ESAM: variants seen among roughly 807,000 people sequenced by gnomAD.
ESAM encodes the protein endothelial cell adhesion molecule, also known as endothelial cell-selective adhesion molecule.
In ESAM, 23 loss-of-function variants were observed where a neutral mutation model predicts 31.8. That is an observed-to-expected ratio of 0.72 (90% confidence interval 0.52 to 1.03). ESAM has a LOEUF of 1.03. Ranked by LOEUF, ESAM falls within the 50% of genes least tolerant of loss-of-function variation. The probability of loss-of-function intolerance (pLI) is 0.00; values close to 1 mark genes in which losing one functional copy is unlikely to be tolerated. For synonymous variants in ESAM, 216 were observed against 207.2 expected, an observed-to-expected ratio of 1.04 and a Z score of -0.37; for missense variants, 478 against 488.9, an observed-to-expected ratio of 0.98 and a Z score of 0.21.
At chr11:124,755,928 G>A (rs1000783278) in intron 4 of ESAM, among the ~76,000 whole-genome samples, 5 of 152,224 alleles carry the variant, frequency 3.3e-5, no homozygotes, top group South Asian at 2.1e-4. Context: ...AGGAAAGAAG[G>A]CACCGAGTCA....
In ESAM at chr11:124,754,258, G is replaced by C; in HGVS notation, c.813C>G (p.Tyr271Ter). The stretch of plus-strand genomic sequence containing the variant: ...CCTCCAGGGCCTTGCCCCGGCGGTG[G>C]TACAAGAGGACCAGCCCAGCCAGCA... ...LGLLAGLVLLYHRRGKALEEP... is the reference protein window; with the variant it reads ...LGLLAGLVLL The change falls in exon 6 of 7, where the codon TAC becomes TAG. Residue 271 changes from tyrosine (Y) to a stop codon, truncating the protein, a stop_gained. Coordinates refer to ENST00000278927, the MANE Select transcript of ESAM (RefSeq NM_138961.3). LOFTEE classifies it high-confidence loss of function. The surrounding 1 kb of genome is among the most constrained non-coding windows in gnomAD (Gnocchi z 4.5). 1.2e-6 allele frequency: 2 copies of C among 1,613,980 alleles called. No homozygotes were observed. Among genetic ancestry groups the C allele is most frequent in the Non-Finnish European group, 1.7e-6 (2 of 1,179,986 alleles).
chr11:124,760,875 A>G (rs1393599781), intron 1 of ESAM, among the ~76,000 whole-genome samples: 1 of 152,208 alleles, frequency 6.6e-6, no homozygotes, highest in Non-Finnish European at 1.5e-5. Context: ...CTGAAGTTGA[A>G]GTTGGGAAAG....
chr11:124,758,590 C>A lies in ESAM; in HGVS notation c.71-63G>T, dbSNP rs577206452. On this transcript the variant is annotated intron_variant, in intron 1 of 6. Transcript: ENST00000278927. ...CTCCCAGCTCCGCCCGCGGACCCTG[C>A]CCTACGCGGCTTCACCAGAGAGCGA... The A allele has an allele frequency of 2.1e-4, 298 of 1,434,942 alleles. No individual in the cohort carries two copies. The African/African-American group carries it at 3.5e-3, about 17-fold the overall frequency. The allele number at this position is 1,434,942 out of a possible 1,614,324, so 88.9% of individuals were successfully genotyped here. A position where few individuals can be genotyped will look rare whatever the true frequency, so the allele number is the denominator to read the frequency against.
At chr11:124,755,491 G>A (rs1163156887) in intron 4 of ESAM, among the ~76,000 whole-genome samples, 2 of 152,114 alleles carry the variant, frequency 1.3e-5, no homozygotes, top group Non-Finnish European at 2.9e-5. Context: ...TTCTTGATGT[G>A]TATGAACTTA....
rs1167816087 is a variant in ESAM, at chr11:124,753,465, C to T, written c.*181G>A. The T allele has an allele frequency of 1.5e-6, 1 of 656,422 alleles. No individual in the cohort carries two copies. Among genetic ancestry groups the T allele is most frequent in the African/African-American group, 1.8e-5 (1 of 54,272 alleles). The allele number at this position is 656,422 out of a possible 1,614,324, so 40.7% of individuals were successfully genotyped here. On this transcript the variant is annotated 3_prime_UTR_variant, in exon 7 of 7. Transcript: ENST00000278927. ...CAATTCCAGATCCACTTCCTCTTCTCCTTCTGTCTCCTGGACACTTAGGTC... is the reference window on the plus strand; with the variant it reads ...CAATTCCAGATCCACTTCCTCTTCTTCTTCTGTCTCCTGGACACTTAGGTC...
At chr11:124,756,902 C>A (rs754031324) in intron 2 of ESAM, 160 bp from the exon 3 acceptor site, 15 of 700,546 alleles carry the variant, frequency 2.1e-5, no homozygotes, top group Non-Finnish European at 3.6e-5. Flanking sequence ...TTGTCCCTAG[C>A]CCCCTCTCAC....
chr11:124,753,499 A>T lies in ESAM; in HGVS notation c.*147T>A. On this transcript the variant is annotated 3_prime_UTR_variant, in exon 7 of 7. Coordinates refer to ENST00000278927, the MANE Select transcript of ESAM (RefSeq NM_138961.3). Reference sequence around the variant, plus strand: ...TCCTGGACACTTAGGTCTTACTGAGATGGTTTTCCCACAGTAAAGAGAGGT... The same window carrying T: ...TCCTGGACACTTAGGTCTTACTGAGTTGGTTTTCCCACAGTAAAGAGAGGT... 1 of 834,614 alleles carries T rather than the reference A, an allele frequency of 1.2e-6. No individual in the cohort carries two copies. The highest frequency in any genetic ancestry group is 2.6e-4 in the Middle Eastern group (1 of 3,860). The allele number at this position is 834,614 out of a possible 1,614,324, so 51.7% of individuals were successfully genotyped here.
chr11:124,758,136 G>A (rs1443995793), intron 2 of ESAM, among the ~76,000 whole-genome samples: 2 of 152,052 alleles, frequency 1.3e-5, no homozygotes, highest in Non-Finnish European at 2.9e-5. Flanking sequence ...AGTATTTTGT[G>A]TGCTGGATTT....
intron 2 of ESAM, 26 bp downstream of exon 2, chr11:124,758,323 C>T (rs1944181068): frequency 1.9e-6 from 3 of 1,613,910 alleles, no homozygotes; most frequent in Non-Finnish European, 1.7e-6. Flanking sequence ...CAACTTGCCG[C>T]TGGCTGACAG....
chr11:124,756,174 C>T (rs1227250027), intron 4 of ESAM, 33 bp downstream of exon 4: 1 of 1,612,324 alleles, frequency 6.2e-7, no homozygotes, highest in Admixed American at 1.7e-5. Flanking sequence ...CTTCCCCAGC[C>T]ACAGTGTCCA....
intron 1 of ESAM, among the ~76,000 whole-genome samples, chr11:124,761,718 G>A (rs1944231015): frequency 1.3e-5 from 2 of 148,934 alleles, no homozygotes; most frequent in Admixed American, 6.7e-5. Flanking sequence ...GGGGGCTAGA[G>A]TTAAGTCCTT....
In ESAM at chr11:124,754,278, C is replaced by T. The variant is rs144027035; in HGVS notation, c.793G>A (p.Ala265Thr). Residue 265 changes from alanine to threonine, a missense_variant, in exon 6 of 7, where the codon GCT becomes ACT. By Grantham distance (58) the Ala-to-Thr change is moderately conservative. Coordinates refer to ENST00000278927, the MANE Select transcript of ESAM (RefSeq NM_138961.3). This position sits in a 1 kb window ranked among gnomAD's most constrained non-coding sequence, Gnocchi z 4.5. ...CGGTGGTACAAGAGGACCAGCCCAGCCAGCAACCCCAGTCCAACCAGGGTA... is the reference window on the plus strand; with the variant it reads ...CGGTGGTACAAGAGGACCAGCCCAGTCAGCAACCCCAGTCCAACCAGGGTA... ...VGTLVGLGLL[A>T]GLVLLYHRRG... is the part of the protein sequence containing the mutation. 4 of 1,613,932 alleles carry T rather than the reference C, an allele frequency of 2.5e-6. No homozygotes were observed. In the African/African-American group the frequency reaches 5.3e-5, roughly 22 times the overall value.
Position 124,754,809 on chromosome 11 carries a change from T to TA in ESAM, c.608-47dup, listed in dbSNP as rs72422616. 96,469 of 1,331,942 alleles carry TA rather than the reference T, an allele frequency of 0.072. 1 individual carries two copies. The highest frequency in any genetic ancestry group is 0.078 in the Non-Finnish European group (76,932 of 988,186). The allele number at this position is 1,331,942 out of a possible 1,614,324, so 82.5% of individuals were successfully genotyped here. ...TCAGTCCAGGGACCCTCTTTCCCATTAAAAAAAAAAAAAAATCTTGTCCCT... is the reference window on the plus strand; with the variant it reads ...TCAGTCCAGGGACCCTCTTTCCCATTAAAAAAAAAAAAAAAATCTTGTCCCT... On this transcript the variant is annotated intron_variant, in intron 4 of 6. Coordinates refer to ENST00000278927, the MANE Select transcript of ESAM (RefSeq NM_138961.3). This position sits in a 1 kb window ranked among gnomAD's most constrained non-coding sequence, Gnocchi z 4.5.
At position 124,759,647 on chromosome 11, in the gene ESAM, C is replaced by A. The variant is rs906581762; in HGVS notation, c.71-1120G>T. Among the ~76,000 whole-genome samples, 1 of 152,226 alleles carries A rather than the reference C, an allele frequency of 6.6e-6. No homozygotes were observed. Among genetic ancestry groups the A allele is most frequent in the African/African-American group, 2.4e-5 (1 of 41,470 alleles). ...CTGAAGGCCTCTAAGGGCTGGGAGC[C>A]GATCCGGCCAGGATGCAAGCCTCCC... On this transcript the variant is annotated intron_variant, in intron 1 of 6. Coordinates refer to ENST00000278927, the MANE Select transcript of ESAM (RefSeq NM_138961.3). This position sits in a 1 kb window ranked among gnomAD's most constrained non-coding sequence, Gnocchi z 6.8.
rs780958559 is a variant in ESAM, at chr11:124,754,620, C to A, written c.730+21G>T. 1.9e-6 allele frequency: 3 copies of A among 1,603,566 alleles called. No individual in the cohort carries two copies. The highest frequency in any genetic ancestry group is 2.2e-5 in the East Asian group (1 of 44,754). On this transcript the variant is annotated intron_variant, in intron 5 of 6. Transcript: ENST00000278927. This position sits in a 1 kb window ranked among gnomAD's most constrained non-coding sequence, Gnocchi z 4.5. ...CCCCACCATTGACCACTCTTCTTAA[C>A]CACACTTACCCCTCACTGACCTGTG... is the stretch of plus-strand genomic sequence containing the variant.
chr11:124,755,263 G>T (rs956053696), intron 4 of ESAM, among the ~76,000 whole-genome samples: 1 of 152,148 alleles, frequency 6.6e-6, no homozygotes, highest in Non-Finnish European at 1.5e-5. Context: ...GTTTAGGGGG[G>T]AGGGATAGCA....
chr11:124,760,828 G>C (rs549660532), intron 1 of ESAM, among the ~76,000 whole-genome samples: 20 of 152,290 alleles, frequency 1.3e-4, no homozygotes, highest in African/African-American at 4.6e-4. Flanking sequence ...CACAAGGAAG[G>C]GGGATAGAGT....
Position 124,756,704 on chromosome 11 carries a change from A to C in ESAM, c.288T>G (p.Pro96=). 6.2e-7 allele frequency: 1 copy of C among 1,614,132 alleles called. No individual in the cohort carries two copies. Among genetic ancestry groups the C allele is most frequent in the South Asian group, 1.1e-5 (1 of 91,074 alleles). ...GCATGGAGTAGACCAAGGATACTCC[A>C]GGTTTGCTTGTTGTGACCCCATTGA... ...SYINGVTTSK[P]GVSLVYSMPS... The change falls in exon 3 of 7, where the codon CCT becomes CCG. Residue 96 remains proline (P), a synonymous_variant. Coordinates refer to ENST00000278927, the MANE Select transcript of ESAM (RefSeq NM_138961.3).
chr11:124,754,708 G>A lies in ESAM; in HGVS notation c.663C>T (p.Val221=), dbSNP rs1354636371. The A allele has an allele frequency of 1.2e-6, 2 of 1,614,046 alleles. No individual in the cohort carries two copies. The highest frequency in any genetic ancestry group is 1.1e-5 in the South Asian group (1 of 91,090). The part of the protein sequence containing the change: ...LTNLSSSMAG[V]YVCKAHNEVG... ...CCTCATTGTGGGCCTTGCAGACATA[G>A]ACTCCAGCCATGGAAGACGAAAGGT... Residue 221 remains valine (V), a synonymous_variant, in exon 5 of 7, where the codon GTC becomes GTT. Coordinates refer to ENST00000278927, the MANE Select transcript of ESAM (RefSeq NM_138961.3). This position sits in a 1 kb window ranked among gnomAD's most constrained non-coding sequence, Gnocchi z 4.5.
Sources: gnomAD v4.1 joint callset for allele counts (sites outside exome capture counted in the v4.1 genomes callset) on GRCh38, gnomAD v4.1.1 for gene constraint, Gnocchi (gnomAD v3.1) non-coding constraint, MANE v1.5 for transcripts, NCBI Gene and HGNC (gene_info 2026-07-23, HGNC 2026-07-21) for gene names.